Variants in LYN observed in about 807,000 individuals in gnomAD.
LYN encodes the protein tyrosine-protein kinase Lyn.
A neutral mutation model predicts 65.0 loss-of-function variants in LYN; 12 were observed. The observed-to-expected ratio is 0.18, with a 90% confidence interval of 0.12 to 0.30. The LOEUF (loss-of-function observed/expected upper bound fraction) is 0.30. Among genes scored for constraint, LYN ranks in the 10% least tolerant of loss-of-function variants. LYN has a pLI of 1.00. For missense variants in LYN, 380 were observed against 623.2 expected, an observed-to-expected ratio of 0.61 and a Z score of 4.16; for synonymous variants, 222 against 221.2, an observed-to-expected ratio of 1.00 and a Z score of -0.03.
chr8:55,920,372 CACAGCA>C lies in LYN; in HGVS notation c.-5-21479_-5-21474del, dbSNP rs200632912. On this transcript the variant is annotated intron_variant, in intron 1 of 12. Coordinates refer to ENST00000519728, the MANE Select transcript of LYN (RefSeq NM_002350.4). ...TAACAATTTTGTTTGTGCAGAATGT[CACAGCA>C]ACATTTCTTAAGTGTGATCATGTCA... is the stretch of plus-strand genomic sequence containing the variant. Among the ~76,000 whole-genome samples the C allele has an allele frequency of 5.3e-4, 81 of 152,322 alleles. 2 individuals carry two copies. The East Asian group carries it at 0.014, about 27-fold the overall frequency.
Position 55,966,759 on chromosome 8 carries a change from C to G in LYN, c.835C>G (p.Pro279Ala). ...STKVAVKTLKPGTMSVQAFLE... is the reference protein window; with the variant it reads ...STKVAVKTLKAGTMSVQAFLE... ...CAAGGTGGCTGTGAAAACCCTGAAGCCAGGAACTATGTCTGTGCAAGCCTT... is the reference window on the plus strand; with the variant it reads ...CAAGGTGGCTGTGAAAACCCTGAAGGCAGGAACTATGTCTGTGCAAGCCTT... The change falls in exon 9 of 13, where the codon CCA (proline) becomes GCA (alanine). Residue 279 changes from proline to alanine, a missense_variant. Coordinates refer to ENST00000519728, the MANE Select transcript of LYN (RefSeq NM_002350.4). The G allele has an allele frequency of 1.2e-6, 2 of 1,614,054 alleles. No individual in the cohort carries two copies. Among genetic ancestry groups the G allele is most frequent in the South Asian group, 2.2e-5 (2 of 91,068 alleles).
intron 1 of LYN, among the ~76,000 whole-genome samples, chr8:55,918,996 C>G (rs969804638): frequency 8.1e-6 from 1 of 122,718 alleles, no homozygotes; most frequent in Non-Finnish European, 1.6e-5. Flanking sequence ...CTCAGTTGTT[C>G]GAGACCATGG....
intron 6 of LYN, among the ~76,000 whole-genome samples, chr8:55,951,463 G>C (rs1317626755): frequency 6.6e-6 from 1 of 152,080 alleles, no homozygotes; most frequent in East Asian, 1.9e-4. Flanking sequence ...CCAGCAGTTT[G>C]ATACCAGCCT....
At chr8:55,991,189 C>T (rs952643900) in intron 10 of LYN, among the ~76,000 whole-genome samples, 1 of 152,216 alleles carries the variant, frequency 6.6e-6, no homozygotes, top group African/African-American at 2.4e-5. Flanking sequence ...GGAAGTGGCA[C>T]CTTTTCTCAC....
intron 1 of LYN, among the ~76,000 whole-genome samples, chr8:55,921,773 G>A (rs897432686): frequency 2.6e-5 from 4 of 152,162 alleles, no homozygotes; most frequent in Non-Finnish European, 4.4e-5. Flanking sequence ...TTGTCCTGTT[G>A]GCAGGAGTGT....
chr8:55,952,361 C>A (rs899456995), intron 7 of LYN, among the ~76,000 whole-genome samples: 1 of 151,940 alleles, frequency 6.6e-6, no homozygotes, highest in Admixed American at 6.6e-5. Context: ...GAGTTCGAGA[C>A]CAGCCTGGCC....
chr8:55,913,159 C>T (rs376805196), intron 1 of LYN, among the ~76,000 whole-genome samples: 11 of 152,244 alleles, frequency 7.2e-5, no homozygotes, highest in East Asian at 1.9e-4. Flanking sequence ...ATCCTGTGTT[C>T]GCTTCCTTTT....
chr8:55,908,932 G>A (rs1266279224), intron 1 of LYN, among the ~76,000 whole-genome samples: 3 of 142,768 alleles, frequency 2.1e-5, no homozygotes, highest in Non-Finnish European at 3.1e-5. Context: ...CTTTTTTATG[G>A]CTGCAAAATA....
Position 55,999,426 on chromosome 8 carries a change from T to A in LYN, c.1213T>A (p.Phe405Ile). The A allele has an allele frequency of 6.2e-7, 1 of 1,613,930 alleles. No individual in the cohort carries two copies. Among genetic ancestry groups the A allele is most frequent in the Non-Finnish European group, 8.5e-7 (1 of 1,179,894 alleles). The change falls in exon 12 of 13, where the codon TTC (phenylalanine) becomes ATC (isoleucine). Residue 405 changes from phenylalanine (F) to isoleucine (I), a missense_variant. Around this residue, in one of 2 missense-constraint regions of LYN, gnomAD observed 223 missense variants for 430.0 expected, o/e 0.52. Coordinates refer to ENST00000519728, the MANE Select transcript of LYN (RefSeq NM_002350.4). Reference sequence around the variant, plus strand: ...CATATCTTCTTCCTTAGGTGCTAAGTTCCCTATTAAGTGGACGGCTCCAGA... The same window carrying A: ...CATATCTTCTTCCTTAGGTGCTAAGATCCCTATTAAGTGGACGGCTCCAGA... ...NEYTAREGAKFPIKWTAPEAI... is the reference protein window; with the variant it reads ...NEYTAREGAKIPIKWTAPEAI...
In LYN at chr8:55,937,738, G is replaced by A. The variant is rs1411092016; in HGVS notation, c.-5-4117G>A. On this transcript the variant is annotated intron_variant, in intron 1 of 12. Coordinates refer to ENST00000519728, the MANE Select transcript of LYN (RefSeq NM_002350.4). ...GATGGAGTCTTGCTCTGTCACCCAGGCTGGAGTGCAGTGGCACAACAATCT... is the reference window on the plus strand; with the variant it reads ...GATGGAGTCTTGCTCTGTCACCCAGACTGGAGTGCAGTGGCACAACAATCT... Among the ~76,000 whole-genome samples, 3 of 152,104 alleles carry A rather than the reference G, an allele frequency of 2.0e-5. No individual in the cohort carries two copies. The East Asian group carries it at 5.8e-4, about 29-fold the overall frequency.
chr8:55,952,517 G>T (rs1350019168), intron 7 of LYN, among the ~76,000 whole-genome samples: 1 of 152,142 alleles, frequency 6.6e-6, no homozygotes, highest in African/African-American at 2.4e-5. Flanking sequence ...CTGAGATCGC[G>T]CCACTGCACT....
intron 1 of LYN, among the ~76,000 whole-genome samples, chr8:55,939,539 G>C (rs548678446): frequency 2.3e-4 from 35 of 152,164 alleles, no homozygotes; most frequent in African/African-American, 5.8e-4. Context: ...CAGTGGGGGG[G>C]GGACAGGGGA....
chr8:56,002,436 A>T (rs1360124229), intron 12 of LYN, among the ~76,000 whole-genome samples: 2 of 150,746 alleles, frequency 1.3e-5, no homozygotes, highest in Admixed American at 1.3e-4. Context: ...TAAAAAAAAA[A>T]AGAATAAAAT....
chr8:55,884,187 C>T (rs1048675213), intron 1 of LYN, among the ~76,000 whole-genome samples: 8 of 152,186 alleles, frequency 5.3e-5, no homozygotes, highest in African/African-American at 1.9e-4. Context: ...GCAATCTCCG[C>T]CTCCTGGGTT....
rs562088612 is a variant in LYN, at chr8:55,890,618, A to G, written c.-6+10515A>G. Among the ~76,000 whole-genome samples, 4 of 152,302 alleles carry G rather than the reference A, an allele frequency of 2.6e-5. No homozygotes were observed. The South Asian group carries it at 6.2e-4, about 24-fold the overall frequency. On this transcript the variant is annotated intron_variant, in intron 1 of 12. Transcript: ENST00000519728. ...AATAACTGAATGTGGGGTCTCAGAG[A>G]TGTTTGTACACTTGTGTTCATAGTA...
chr8:55,942,061 G>A, intron 2 of LYN, 70 bp downstream of exon 2: 1 of 1,531,852 alleles, frequency 6.5e-7, no homozygotes, highest in Non-Finnish European at 8.9e-7. Flanking sequence ...TTAAACACCA[G>A]TCTGTAATAT....
Position 55,943,959 on chromosome 8 carries a change from T to G in LYN, c.132+1968T>G, listed in dbSNP as rs1240438208. On this transcript the variant is annotated intron_variant, in intron 2 of 12. Coordinates refer to ENST00000519728, the MANE Select transcript of LYN (RefSeq NM_002350.4). ...TTAGCTGGGCATGGTGGCACATGCC[T>G]GTAATCCCAGCTACTTGGGAGGCTG... Among the ~76,000 whole-genome samples, 3 of 152,096 alleles carry G rather than the reference T, an allele frequency of 2.0e-5. No individual in the cohort carries two copies. The East Asian group carries it at 5.8e-4, about 29-fold the overall frequency.
chr8:55,884,597 A>G (rs1437290755), intron 1 of LYN, among the ~76,000 whole-genome samples: 1 of 151,884 alleles, frequency 6.6e-6, no homozygotes, highest in Non-Finnish European at 1.5e-5. Context: ...CTGTGATTAC[A>G]GGCGCCCGCC....
chr8:55,906,870 C>T (rs368512301), intron 1 of LYN, among the ~76,000 whole-genome samples: 2 of 152,268 alleles, frequency 1.3e-5, no homozygotes, highest in African/African-American at 4.8e-5. Context: ...TCCTTAATAA[C>T]CCTGTCCTAT....
Sources: allele counts gnomAD v4.1 joint callset (sites outside exome capture counted in the v4.1 genomes callset), GRCh38; gene constraint gnomAD v4.1.1; regional missense constraint gnomAD v4.1.1; transcripts MANE v1.5; gene names NCBI Gene and HGNC (gene_info 2026-07-23, HGNC 2026-07-21).